NDST3: variants seen among roughly 807,000 people sequenced by gnomAD.
NDST3 encodes N-deacetylase and N-sulfotransferase 3.
In NDST3, 58 loss-of-function variants were observed where a neutral mutation model predicts 96.1. That is an observed-to-expected ratio of 0.60 (90% CI 0.49 to 0.75). The LOEUF is 0.75. NDST3 is among the 30% of genes least tolerant of loss of function. The probability of loss-of-function intolerance (pLI) is 0.00; values close to 1 mark genes in which losing one functional copy is unlikely to be tolerated. For missense variants in NDST3, 788 were observed against 1,034.2 expected, an observed-to-expected ratio of 0.76 and a Z score of 3.27; for synonymous variants, 333 against 359.7, an observed-to-expected ratio of 0.93 and a Z score of 0.84.
intron 6 of NDST3, among the ~76,000 whole-genome samples, chr4:118,190,776 C>A (rs2125964760): frequency 6.6e-6 from 1 of 152,282 alleles, no homozygotes; most frequent in Admixed American, 6.5e-5. Context: ...CCATGGCCAC[C>A]TATGCAGACC....
intron 6 of NDST3, among the ~76,000 whole-genome samples, chr4:118,159,706 A>G (rs1403871255): frequency 2.0e-5 from 3 of 152,232 alleles, no homozygotes; most frequent in African/African-American, 7.2e-5. Context: ...ATTTCAACAA[A>G]GAAATAGAAA....
At chr4:118,202,910 T>G (rs1264327964) in intron 6 of NDST3, among the ~76,000 whole-genome samples, 1 of 152,170 alleles carries the variant, frequency 6.6e-6, no homozygotes, top group Non-Finnish European at 1.5e-5. Flanking sequence ...AGGGAATGCT[T>G]CAAGCTATTG....
intron 9 of NDST3, among the ~76,000 whole-genome samples, chr4:118,234,822 G>A (rs931356556): frequency 3.9e-5 from 6 of 152,060 alleles, no homozygotes; most frequent in African/African-American, 1.4e-4. Flanking sequence ...CTGAGCTCAG[G>A]AGTTCCAGAC....
In NDST3 at chr4:118,226,935, C is replaced by A. The variant is rs770759706; in HGVS notation, c.1772C>A (p.Thr591Asn). The part of the protein sequence containing the change: ...RHRDIWSKEK[T>N]CDRLPKFLVI... ...AGAGACATTTGGTCTAAAGAAAAAA[C>A]TTGTGATCGCTTACCAAAATTCTTG... Residue 591 changes from threonine to asparagine, a missense_variant, in exon 8 of 14, where the codon ACT (threonine) becomes AAT (asparagine). Coordinates refer to ENST00000296499, the MANE Select transcript of NDST3 (RefSeq NM_004784.3). 4 of 1,613,572 alleles carry A rather than the reference C, an allele frequency of 2.5e-6. No individual in the cohort carries two copies. In the Admixed American group the frequency reaches 6.7e-5, roughly 27 times the overall value.
intron 4 of NDST3, among the ~76,000 whole-genome samples, chr4:118,130,502 CTTG>C (rs1361184820): frequency 1.3e-5 from 2 of 152,098 alleles, no homozygotes; most frequent in East Asian, 1.9e-4. Flanking sequence ...TTCCTTATGT[CTTG>C]TTGTACTGTT....
chr4:118,246,767 T>C (rs1436192103), intron 12 of NDST3, among the ~76,000 whole-genome samples: 4 of 152,134 alleles, frequency 2.6e-5, no homozygotes, highest in Non-Finnish European at 4.4e-5. Context: ...CAGATGCTTA[T>C]AAAACCATCA....
Position 118,107,044 on chromosome 4 carries a change from T to C in NDST3, c.1069+1939T>C, listed in dbSNP as rs370625060. The stretch of plus-strand genomic sequence containing the variant: ...GGCGGAGCTTGCAGTGAGCCGAGAT[T>C]GCGCCACTGCACTCCAGCCTGGGCT... On this transcript the variant is annotated intron_variant, in intron 3 of 13. Coordinates refer to ENST00000296499, the MANE Select transcript of NDST3 (RefSeq NM_004784.3). Among the ~76,000 whole-genome samples, 740 of 152,118 alleles carry C rather than the reference T, an allele frequency of 4.9e-3. 6 individuals are homozygous for C. The highest frequency in any genetic ancestry group is 6.8e-3 in the East Asian group (35 of 5,154).
At chr4:118,222,861 C>G (rs1739641460) in intron 6 of NDST3, among the ~76,000 whole-genome samples, 1 of 151,830 alleles carries the variant, frequency 6.6e-6, no homozygotes, top group Admixed American at 6.6e-5. Flanking sequence ...AAAATGTTTT[C>G]TGAGGTTAAA....
In NDST3 at chr4:118,190,399, T is replaced by C. The variant is rs1300009243; in HGVS notation, c.1540-34092T>C. ...TTTCAGTTTTTAACTTACAAATGAT[T>C]CAGATATTTTATGTCTATGTGTTAA... On this transcript the variant is annotated intron_variant, in intron 6 of 13. Coordinates refer to ENST00000296499, the MANE Select transcript of NDST3 (RefSeq NM_004784.3). 8.5e-5 allele frequency among the ~76,000 whole-genome samples: 13 copies of C among 152,204 alleles called. 1 individual carries two copies. The highest frequency in any genetic ancestry group is 8.5e-4 in the Admixed American group (13 of 15,262).
intron 3 of NDST3, among the ~76,000 whole-genome samples, chr4:118,111,760 A>T (rs1730660724): frequency 6.6e-6 from 1 of 152,114 alleles, no homozygotes; most frequent in South Asian, 2.1e-4. Context: ...GAACTGAGAT[A>T]AATATGTCAG....
At chr4:118,065,113 C>T (rs1250677431) in intron 2 of NDST3, among the ~76,000 whole-genome samples, 1 of 152,116 alleles carries the variant, frequency 6.6e-6, no homozygotes, top group Non-Finnish European at 1.5e-5. Context: ...TTCACATTCA[C>T]AGGTTCCAGG....
intron 13 of NDST3, among the ~76,000 whole-genome samples, chr4:118,254,756 G>A (rs1430788093): frequency 1.3e-5 from 2 of 152,110 alleles, no homozygotes; most frequent in Non-Finnish European, 2.9e-5. Flanking sequence ...GATGGTCTGA[G>A]GATCCTAAGG....
chr4:118,041,298 A>G (rs758214514), intron 1 of NDST3, among the ~76,000 whole-genome samples: 10 of 152,128 alleles, frequency 6.6e-5, no homozygotes, highest in Non-Finnish European at 1.2e-4. Context: ...TCACCTCTAA[A>G]GGGTCCAACA....
intron 6 of NDST3, among the ~76,000 whole-genome samples, chr4:118,206,527 T>G (rs2125983857): frequency 6.9e-6 from 1 of 144,620 alleles, no homozygotes; most frequent in African/African-American, 2.5e-5. Context: ...AAGATAAAAC[T>G]CAAGAATGAA....
chr4:118,167,861 T>TA (rs758418819), intron 6 of NDST3, among the ~76,000 whole-genome samples: 1 of 151,830 alleles, frequency 6.6e-6, no homozygotes, highest in African/African-American at 2.4e-5. Context: ...TATTCACATA[T>TA]AAAAAATTAA....
intron 6 of NDST3, among the ~76,000 whole-genome samples, chr4:118,192,728 T>A (rs1023276511): frequency 8.5e-5 from 13 of 152,152 alleles, no homozygotes; most frequent in South Asian, 8.3e-4. Flanking sequence ...TTTTTTTGTT[T>A]TTATTGTTTC....
At chr4:118,195,240 TG>T (rs1334845452) in intron 6 of NDST3, among the ~76,000 whole-genome samples, 1 of 152,190 alleles carries the variant, frequency 6.6e-6, no homozygotes, top group African/African-American at 2.4e-5. Flanking sequence ...CTAGGTGATA[TG>T]GTTTGGCTGT....
At chr4:118,098,537 G>C (rs1341845544) in intron 2 of NDST3, among the ~76,000 whole-genome samples, 3 of 151,910 alleles carry the variant, frequency 2.0e-5, no homozygotes, top group Non-Finnish European at 4.4e-5. Context: ...GCCAATTTCA[G>C]CTCAAGAACT....
intron 6 of NDST3, among the ~76,000 whole-genome samples, chr4:118,158,053 T>G (rs2125922163): frequency 6.6e-6 from 1 of 152,164 alleles, no homozygotes; most frequent in South Asian, 2.1e-4. Context: ...GGGAACTGAG[T>G]TTTCGCCATA....
Sources: gnomAD v4.1 joint callset for allele counts (sites outside exome capture counted in the v4.1 genomes callset) on GRCh38, gnomAD v4.1.1 for gene constraint, MANE v1.5 for transcripts, NCBI Gene and HGNC (gene_info 2026-07-23, HGNC 2026-07-21) for gene names.